ZBTB41: variants seen among roughly 807,000 people sequenced by gnomAD.
The protein encoded by ZBTB41 is zinc finger and BTB domain containing 41.
ZBTB41 carries 42 observed loss-of-function variants against 87.6 expected under a neutral mutation model. The ratio of observed to expected loss-of-function variants is 0.48; its 90% CI spans 0.37 to 0.62. The LOEUF (loss-of-function observed/expected upper bound fraction) is 0.62, where lower values mean the gene tolerates loss of function less well. Ranked by LOEUF, ZBTB41 falls within the 20% of genes least tolerant of loss-of-function variation. The probability of loss-of-function intolerance (pLI) is 0.00; values close to 1 mark genes in which losing one functional copy is unlikely to be tolerated. For missense variants in ZBTB41, 799 were observed against 1,078.9 expected, an observed-to-expected ratio of 0.74 and a Z score of 3.63; for synonymous variants, 364 against 364.0, an observed-to-expected ratio of 1.00 and a Z score of 0.00.
chr1:197,169,937 TCTAA>T (rs1557977309), intron 10 of ZBTB41, among the ~76,000 whole-genome samples: 2 of 151,962 alleles, frequency 1.3e-5, no homozygotes, highest in African/African-American at 4.8e-5. Context: ...AACTAATTTA[TCTAA>T]CTGTGTGGTT....
chr1:197,161,359 C>T (rs978773548), intron 10 of ZBTB41, among the ~76,000 whole-genome samples: 1 of 152,186 alleles, frequency 6.6e-6, no homozygotes, highest in African/African-American at 2.4e-5. Flanking sequence ...ATTTTCCTCT[C>T]ATCTCTCCAT....
chr1:197,183,344 CA>C, intron 5 of ZBTB41, among the ~76,000 whole-genome samples: 1 of 152,242 alleles, frequency 6.6e-6, no homozygotes, highest in South Asian at 2.1e-4. Flanking sequence ...TTCATTTTAA[CA>C]AATGAGGAAA....
intron 9 of ZBTB41, among the ~76,000 whole-genome samples, chr1:197,174,682 G>A (rs1248506580): frequency 6.6e-6 from 1 of 152,040 alleles, no homozygotes; most frequent in East Asian, 1.9e-4. Context: ...AATTCTGACT[G>A]CAAACATTTC....
At chr1:197,183,064 C>T (rs540072337) in intron 5 of ZBTB41, among the ~76,000 whole-genome samples, 1 of 148,018 alleles carries the variant, frequency 6.8e-6, no homozygotes, top group South Asian at 2.1e-4. Flanking sequence ...TGCATGTATA[C>T]ATATATGTAT....
Position 197,191,881 on chromosome 1 carries a change from G to A in ZBTB41, c.1139C>T (p.Thr380Ile), listed in dbSNP as rs776546228. Residue 380 changes from threonine to isoleucine, a missense_variant, in exon 3 of 11, where the codon ACC becomes ATC. Around this residue, in one of 5 missense-constraint regions of ZBTB41, gnomAD observed 294 missense variants for 340.1 expected, o/e 0.86. Transcript: ENST00000367405. ...FDRIGKYESH[T>I]RVHTGEKPFE... ...GGGCTTCTCACCTGTGTGAACACGGGTGTGGCTCTCATATTTTCCTATAAA... is the reference window on the plus strand; with the variant it reads ...GGGCTTCTCACCTGTGTGAACACGGATGTGGCTCTCATATTTTCCTATAAA... 6.3e-5 allele frequency: 101 copies of A among 1,603,736 alleles called. No homozygotes were observed. The highest frequency in any genetic ancestry group is 8.2e-5 in the Non-Finnish European group (96 of 1,176,550).
chr1:197,180,629 G>T (rs1029904686), intron 6 of ZBTB41, among the ~76,000 whole-genome samples: 2 of 147,952 alleles, frequency 1.4e-5, no homozygotes, highest in African/African-American at 5.3e-5. Flanking sequence ...TTCTTGTTTT[G>T]CCTTGATCCA....
intron 5 of ZBTB41, among the ~76,000 whole-genome samples, chr1:197,183,010 G>GCT (rs1659792047): frequency 1.3e-5 from 2 of 151,854 alleles, no homozygotes; most frequent in Admixed American, 6.6e-5. Flanking sequence ...TGCAAAAGAA[G>GCT]CTCTCTCTAT....
intron 10 of ZBTB41, among the ~76,000 whole-genome samples, chr1:197,164,004 G>C (rs1475917871): frequency 6.6e-6 from 1 of 151,876 alleles, no homozygotes; most frequent in Non-Finnish European, 1.5e-5. Flanking sequence ...ACAGTAAACA[G>C]TAAAGAATAA....
chr1:197,201,076 G>T (rs1375740492), intron 1 of ZBTB41, among the ~76,000 whole-genome samples, 147 bp downstream of exon 1: 4 of 152,244 alleles, frequency 2.6e-5, no homozygotes, highest in Non-Finnish European at 1.5e-5. Context: ...GGGGCGCAGA[G>T]CAGAAGTGGG....
intron 3 of ZBTB41, 152 bp downstream of exon 3, chr1:197,191,540 C>A: frequency 1.8e-6 from 1 of 565,970 alleles, no homozygotes; most frequent in Non-Finnish European, 2.8e-6. Context: ...TGCCAAAACC[C>A]AAGAAAGAAA....
chr1:197,159,317 A>G lies in ZBTB41; in HGVS notation c.*42T>C. 4 of 1,581,826 alleles carry G rather than the reference A, an allele frequency of 2.5e-6. No homozygotes were observed. The highest frequency in any genetic ancestry group is 3.5e-6 in the Non-Finnish European group (4 of 1,155,494). On this transcript the variant is annotated 3_prime_UTR_variant, in exon 11 of 11. Transcript: ENST00000367405. ...TTTAAAAGCTATCATCTCTACCATT[A>G]GCATATAACCATCCAAAAATCTGTG...
chr1:197,172,802 C>T lies in ZBTB41; in HGVS notation c.1986-554G>A, dbSNP rs142825733. Among the ~76,000 whole-genome samples, 22 of 152,066 alleles carry T rather than the reference C, an allele frequency of 1.4e-4. No homozygotes were observed. The East Asian group carries it at 1.9e-3, about 13-fold the overall frequency. ...GCTCAGGCTGATTAAAAAGAATCTG[C>T]GGCAATTTTAAAACCCGCATTTATC... On this transcript the variant is annotated intron_variant, in intron 9 of 10. Transcript: ENST00000367405.
At chr1:197,170,641 C>T (rs1659457111) in intron 10 of ZBTB41, among the ~76,000 whole-genome samples, 1 of 152,046 alleles carries the variant, frequency 6.6e-6, no homozygotes, top group Non-Finnish European at 1.5e-5. Flanking sequence ...CCATTTCTTG[C>T]AAAAGCCACT....
chr1:197,184,272 A>G (rs1376393907), intron 5 of ZBTB41, among the ~76,000 whole-genome samples: 2 of 152,236 alleles, frequency 1.3e-5, no homozygotes, highest in Admixed American at 6.5e-5. Context: ...AGAACAACTT[A>G]GTAAAGGCAA....
rs1351725060 is a variant in ZBTB41 at position 197,200,270 on chromosome 1, C to T, written c.204G>A (p.Gln68=). The T allele has an allele frequency of 1.2e-6, 2 of 1,612,546 alleles. No homozygotes were observed. Among genetic ancestry groups the T allele is most frequent in the South Asian group, 2.2e-5 (2 of 90,730 alleles). The change falls in exon 2 of 11, where the codon CAG becomes CAA. Residue 68 remains glutamine, a synonymous_variant. Coordinates refer to ENST00000367405, the MANE Select transcript of ZBTB41 (RefSeq NM_194314.3). The stretch of plus-strand genomic sequence containing the variant: ...AATATTTTAGCAAATTCTTATTATA[C>T]TGCAAAGAACTTAAAAGCTTTCTCT... ...PDQRKLLSSL[Q]YNKNLLKYLN... is the part of the protein sequence containing the mutation.
At chr1:197,183,093 A>G (rs1659796374) in intron 5 of ZBTB41, among the ~76,000 whole-genome samples, 1 of 152,168 alleles carries the variant, frequency 6.6e-6, no homozygotes, top group Non-Finnish European at 1.5e-5. Context: ...ACACACACAC[A>G]AATACAGAAA....
chr1:197,200,138 A>G lies in ZBTB41; in HGVS notation c.336T>C (p.Tyr112=), dbSNP rs1247555393. The part of the protein sequence containing the change: ...HKVVVAVGSS[Y]FHACLSKNPS... ...GATTTTTGCTCAAACACGCATGAAAATAACTACTGCCGACAGCAACGACTA... is the reference window on the plus strand; with the variant it reads ...GATTTTTGCTCAAACACGCATGAAAGTAACTACTGCCGACAGCAACGACTA... The change falls in exon 2 of 11, where the codon TAT becomes TAC. Residue 112 remains tyrosine, a synonymous_variant. Coordinates refer to ENST00000367405, the MANE Select transcript of ZBTB41 (RefSeq NM_194314.3). 6.2e-7 allele frequency: 1 copy of G among 1,613,994 alleles called. No homozygotes were observed. The highest frequency in any genetic ancestry group is 1.7e-5 in the Admixed American group (1 of 60,020).
intron 2 of ZBTB41, among the ~76,000 whole-genome samples, chr1:197,198,355 T>A (rs1343780788): frequency 6.6e-6 from 1 of 152,194 alleles, no homozygotes; most frequent in Non-Finnish European, 1.5e-5. Flanking sequence ...AACATCTTTT[T>A]ACAGCAAATG....
In ZBTB41 at chr1:197,158,586, A is replaced by G. The variant is rs959523804; in HGVS notation, c.*773T>C. ...AAAAGGTGAACTTACCTTGAAAAAC[A>G]TCTAGTTAAAACTCTCATATTTTTC... is the stretch of plus-strand genomic sequence containing the variant. On this transcript the variant is annotated 3_prime_UTR_variant, in exon 11 of 11. Coordinates refer to ENST00000367405, the MANE Select transcript of ZBTB41 (RefSeq NM_194314.3). 2.0e-5 allele frequency: 3 copies of G among 152,234 alleles called. No individual in the cohort carries two copies. The highest frequency in any genetic ancestry group is 1.3e-4 in the Admixed American group (2 of 15,252). The allele number at this position is 152,234 out of a possible 1,614,324, so 9.4% of individuals were successfully genotyped here.
Sources: allele counts gnomAD v4.1 joint callset (sites outside exome capture counted in the v4.1 genomes callset), GRCh38; gene constraint gnomAD v4.1.1; regional missense constraint gnomAD v4.1.1; transcripts MANE v1.5; gene names NCBI Gene and HGNC (gene_info 2026-07-23, HGNC 2026-07-21).